The following LANCL3 variants were observed in gnomAD, a reference collection of about 807,000 sequenced individuals.
LANCL3 encodes the protein lanC-like protein 3.
In LANCL3, 19 loss-of-function variants were observed where a neutral mutation model predicts 26.5. The ratio of observed to expected loss-of-function variants is 0.72; its 90% CI spans 0.50 to 1.05. The LOEUF (loss-of-function observed/expected upper bound fraction) is 1.05, where lower values mean the gene tolerates loss of function less well. LANCL3 is among the 50% of genes least tolerant of loss of function. The pLI, the probability that LANCL3 is intolerant of heterozygous loss-of-function variation, is 0.00. For missense variants in LANCL3, 318 were observed against 362.7 expected (o/e 0.88, Z 1.00); for synonymous variants, 160 against 166.6 (o/e 0.96, Z 0.30).
rs1924802406 is a variant in LANCL3 at position 37,609,443 on chromosome X, A to C, written c.573+37000A>C. ...TCGGGAAAGGGTATGAGGAAGTGTT[A>C]TTGTGGATTAAGAATGGATTTCTGT... On this transcript the variant is annotated intron_variant, in intron 1 of 4. Transcript: ENST00000378619. 2.7e-5 allele frequency among the ~76,000 whole-genome samples: 3 copies of C among 111,788 alleles called. No homozygotes were observed. The South Asian group carries it at 1.1e-3, about 42-fold the overall frequency.
intron 1 of LANCL3, among the ~76,000 whole-genome samples, chrX:37,620,908 C>T (rs980756215): frequency 9.0e-6 from 1 of 111,544 alleles, no homozygotes. Flanking sequence ...GATGTCCCTT[C>T]CAAAGCTCAG....
intron 1 of LANCL3, among the ~76,000 whole-genome samples, chrX:37,573,968 C>T (rs1217107455): frequency 9.8e-6 from 1 of 101,996 alleles, no homozygotes; most frequent in African/African-American, 3.7e-5. Context: ...GCCCTCCTGC[C>T]AAACCAGGTC....
chrX:37,634,421 C>A (rs1246621064), intron 1 of LANCL3, among the ~76,000 whole-genome samples: 1 of 113,075 alleles, frequency 8.8e-6, no homozygotes, highest in Non-Finnish European at 1.9e-5. Flanking sequence ...CGCCCTGCTT[C>A]GGCTCGCACA....
chrX:37,622,652 A>G (rs1238003618), intron 1 of LANCL3, among the ~76,000 whole-genome samples: 2 of 111,643 alleles, frequency 1.8e-5, no homozygotes, highest in Non-Finnish European at 3.8e-5. Context: ...TTCAACCTGA[A>G]TGTTATCTTT....
At chrX:37,587,796 C>T (rs1332051804) in intron 1 of LANCL3, among the ~76,000 whole-genome samples, 2 of 112,147 alleles carry the variant, frequency 1.8e-5, no homozygotes, top group African/African-American at 6.5e-5. Flanking sequence ...GCACTGCACC[C>T]TCTGTCCTGC....
intron 1 of LANCL3, among the ~76,000 whole-genome samples, chrX:37,587,656 T>C (rs1924141090): frequency 8.9e-6 from 1 of 112,778 alleles, no homozygotes; most frequent in African/African-American, 3.2e-5. Context: ...AGTGCAGTAT[T>C]AGGGTGGGAG....
intron 1 of LANCL3, among the ~76,000 whole-genome samples, chrX:37,597,593 G>A (rs183567938): frequency 1.5e-3 from 165 of 108,699 alleles, no homozygotes; most frequent in African/African-American, 5.2e-3. Context: ...AGCTCACTGC[G>A]AGTTTGAACT....
At chrX:37,572,729 A>G (rs1923639965) in intron 1 of LANCL3, among the ~76,000 whole-genome samples, 1 of 112,306 alleles carries the variant, frequency 8.9e-6, no homozygotes, top group Non-Finnish European at 1.9e-5. Flanking sequence ...GGGGGATGAC[A>G]GTGTGGCCCT....
chrX:37,651,805 G>T (rs5963198), intron 1 of LANCL3, among the ~76,000 whole-genome samples: 2 of 107,681 alleles, frequency 1.9e-5, no homozygotes, highest in African/African-American at 6.9e-5. Flanking sequence ...CCTGTGTCCA[G>T]GTGTTCTCAT....
At chrX:37,580,556 C>T (rs1420654936) in intron 1 of LANCL3, among the ~76,000 whole-genome samples, 1 of 111,576 alleles carries the variant, frequency 9.0e-6, no homozygotes, top group Non-Finnish European at 1.9e-5. Flanking sequence ...GTGGTGAGAA[C>T]ATTTAAAATC....
chrX:37,629,635 A>G (rs1301684898), intron 1 of LANCL3, among the ~76,000 whole-genome samples: 15 of 107,782 alleles, frequency 1.4e-4, no homozygotes, highest in Admixed American at 4.0e-4. Flanking sequence ...ATAAGGTGTA[A>G]GGAAGGGATC....
At position 37,680,132 on chromosome X, in the gene LANCL3, A is replaced by G. The variant is rs1435421668; in HGVS notation, c.*4319A>G. The G allele has an allele frequency of 9.8e-5, 11 of 111,739 alleles. No homozygotes were observed. Among genetic ancestry groups the G allele is most frequent in the Non-Finnish European group, 2.1e-4 (11 of 53,189 alleles). The allele number at this position is 111,739 out of a possible 1,213,427, so 9.2% of individuals were successfully genotyped here. A position where few individuals can be genotyped will look rare whatever the true frequency, so the allele number is the denominator to read the frequency against. ...TTACCCTTTGGACAGAAGGGCAGAC[A>G]ACCTCAAGGTCAGCAGCAACAGAAG... On this transcript the variant is annotated 3_prime_UTR_variant, in exon 5 of 5. Coordinates refer to ENST00000378619, the MANE Select transcript of LANCL3 (RefSeq NM_001170331.2).
chrX:37,642,593 A>G (rs909328687), intron 1 of LANCL3, among the ~76,000 whole-genome samples: 3 of 112,114 alleles, frequency 2.7e-5, no homozygotes, highest in Non-Finnish European at 3.8e-5. Flanking sequence ...ACAGCCATGT[A>G]TGTCCATTTT....
intron 1 of LANCL3, among the ~76,000 whole-genome samples, chrX:37,612,348 T>G (rs1924898738): frequency 9.0e-6 from 1 of 111,519 alleles, no homozygotes; most frequent in South Asian, 3.8e-4. Context: ...CCCCATGTGA[T>G]TTATATGTAT....
chrX:37,587,792 C>T (rs782536043), intron 1 of LANCL3, among the ~76,000 whole-genome samples: 44 of 112,167 alleles, frequency 3.9e-4, no homozygotes, highest in Non-Finnish European at 7.5e-4. Context: ...TGGTGCACTG[C>T]ACCCTCTGTC....
intron 1 of LANCL3, among the ~76,000 whole-genome samples, chrX:37,633,184 C>T (rs782663976): frequency 2.7e-5 from 3 of 109,437 alleles, no homozygotes; most frequent in Non-Finnish European, 5.7e-5. Flanking sequence ...TCTAAACTTC[C>T]CTTCTCACTT....
At chrX:37,597,504 C>A (rs1403938281) in intron 1 of LANCL3, among the ~76,000 whole-genome samples, 2 of 109,961 alleles carry the variant, frequency 1.8e-5, no homozygotes, top group Non-Finnish European at 3.8e-5. Context: ...TTCTCCATAC[C>A]CTCACCAACA....
At chrX:37,607,194 C>T (rs1924741483) in intron 1 of LANCL3, among the ~76,000 whole-genome samples, 1 of 112,424 alleles carries the variant, frequency 8.9e-6, no homozygotes, top group Non-Finnish European at 1.9e-5. Flanking sequence ...TCCCCTCTCC[C>T]ATAACATACA....
intron 4 of LANCL3, among the ~76,000 whole-genome samples, chrX:37,675,174 A>C (rs1000691042): frequency 8.9e-6 from 1 of 112,054 alleles, no homozygotes; most frequent in Admixed American, 9.5e-5. Context: ...CTCACAGCAC[A>C]GATTGTATAA....
Sources: gnomAD v4.1 joint callset for allele counts (sites outside exome capture counted in the v4.1 genomes callset) on GRCh38, gnomAD v4.1.1 for gene constraint, MANE v1.5 for transcripts, NCBI Gene and HGNC (gene_info 2026-07-23, HGNC 2026-07-21) for gene names.